Variants in MTMR7 observed in about 807,000 individuals in gnomAD.
MTMR7 encodes phosphatidylinositol-3-phosphate phosphatase MTMR7.
Under a neutral mutation model 81.2 loss-of-function variants are expected in MTMR7, and 76 were observed. The ratio of observed to expected loss-of-function variants is 0.94; its 90% CI spans 0.78 to 1.13. The LOEUF (loss-of-function observed/expected upper bound fraction) is 1.13, where lower values mean the gene tolerates loss of function less well. MTMR7 is among the 50% of genes most tolerant of loss of function. The probability of loss-of-function intolerance (pLI) is 0.00; values close to 1 mark genes in which losing one functional copy is unlikely to be tolerated. For missense variants in MTMR7, 1,044 were observed against 820.0 expected (o/e 1.27, Z -3.34); for synonymous variants, 372 against 289.8 (o/e 1.28, Z -2.88).
rs942529588 is a variant in MTMR7, at chr8:17,324,111, A to G, written c.865+7039T>C. 2.6e-5 allele frequency among the ~76,000 whole-genome samples: 4 copies of G among 152,198 alleles called. No homozygotes were observed. In the East Asian group the frequency reaches 5.8e-4, roughly 22 times the overall value. ...TGTGACTTACCCAGGGAAGGCCCTC[A>G]GTGACATCACTAATAAACAAGCAAG... On this transcript the variant is annotated intron_variant, in intron 7 of 13. Transcript: ENST00000180173.
intron 3 of MTMR7, among the ~76,000 whole-genome samples, chr8:17,362,203 T>G (rs1820081306): frequency 6.6e-6 from 1 of 152,208 alleles, no homozygotes; most frequent in Non-Finnish European, 1.5e-5. Context: ...ATATCCAAAA[T>G]CATTATCACT....
intron 7 of MTMR7, among the ~76,000 whole-genome samples, chr8:17,324,255 C>G (rs565679119): frequency 6.6e-6 from 1 of 152,352 alleles, no homozygotes; most frequent in Admixed American, 6.5e-5. Context: ...CAGTAACTGT[C>G]TGATGAATAG....
chr8:17,330,011 T>TG (rs771278407), intron 7 of MTMR7, among the ~76,000 whole-genome samples: 4 of 152,184 alleles, frequency 2.6e-5, no homozygotes, highest in Non-Finnish European at 5.9e-5. Context: ...TAGAAAGTAT[T>TG]GGCCTAATCC....
intron 4 of MTMR7, among the ~76,000 whole-genome samples, chr8:17,357,735 G>A (rs796233447): frequency 2.6e-5 from 4 of 152,272 alleles, no homozygotes; most frequent in African/African-American, 9.6e-5. Context: ...ATGCCAAACT[G>A]CAGACATTGA....
chr8:17,331,031 T>A, intron 7 of MTMR7, 119 bp downstream of exon 7: 1 of 1,216,738 alleles, frequency 8.2e-7, no homozygotes, highest in Non-Finnish European at 1.1e-6. Context: ...TGTAACATGA[T>A]ATTCTTCCCA....
At chr8:17,337,906 T>G (rs992602328) in intron 6 of MTMR7, among the ~76,000 whole-genome samples, 2 of 152,116 alleles carry the variant, frequency 1.3e-5, no homozygotes, top group African/African-American at 4.8e-5. Flanking sequence ...AGTTCTCATG[T>G]GGGGCTAGCC....
At chr8:17,361,706 A>G (rs758544363) in intron 3 of MTMR7, among the ~76,000 whole-genome samples, 1 of 152,226 alleles carries the variant, frequency 6.6e-6, no homozygotes, top group East Asian at 1.9e-4. Flanking sequence ...GCCCAGGCCA[A>G]TTGCACATTT....
At chr8:17,303,595 C>G (rs1471718089) in intron 12 of MTMR7, among the ~76,000 whole-genome samples, 3 of 143,130 alleles carry the variant, frequency 2.1e-5, no homozygotes, top group African/African-American at 8.1e-5. Flanking sequence ...TCCCCATTCT[C>G]CCCATACATA....
rs754571872 is a variant in MTMR7 at position 17,300,224 on chromosome 8, T to G, written c.1621A>C (p.Arg541=). The G allele has an allele frequency of 5.0e-6, 8 of 1,595,674 alleles. No individual in the cohort carries two copies. Among genetic ancestry groups the G allele is most frequent in the Middle Eastern group, 3.4e-4 (2 of 5,916 alleles). The part of the protein sequence containing the change: ...LEEELEALEE[R]LEKIQKVQLN... The stretch of plus-strand genomic sequence containing the variant: ...TGGACCTTTTGAATTTTTTCCAGCC[T>G]CTAAGAAAGAAATAACAATTTCAGG... The change falls in exon 14 of 14, where the codon AGG becomes CGG. Residue 541 remains arginine, a splice_region_variant and synonymous_variant. Transcript: ENST00000180173.
intron 1 of MTMR7, among the ~76,000 whole-genome samples, chr8:17,378,815 T>C (rs1368800328): frequency 6.6e-6 from 1 of 152,236 alleles, no homozygotes; most frequent in Non-Finnish European, 1.5e-5. Flanking sequence ...CTTTCTTCTT[T>C]TGTGGTTCAT....
chr8:17,323,329 C>A (rs139297796), intron 7 of MTMR7, among the ~76,000 whole-genome samples: 1 of 152,108 alleles, frequency 6.6e-6, no homozygotes, highest in East Asian at 1.9e-4. Context: ...AAATCTACAT[C>A]CCTTGACTCC....
At chr8:17,307,962 C>T in intron 10 of MTMR7, among the ~76,000 whole-genome samples, 1 of 151,910 alleles carries the variant, frequency 6.6e-6, no homozygotes, top group African/African-American at 2.4e-5. Context: ...GGGTGCAGCA[C>T]ACCAACATGG....
intron 7 of MTMR7, among the ~76,000 whole-genome samples, chr8:17,313,997 G>C (rs1369932653): frequency 6.6e-6 from 1 of 152,210 alleles, no homozygotes; most frequent in African/African-American, 2.4e-5. Context: ...CATCAGGGTA[G>C]AGGCTTTCCC....
chr8:17,301,551 T>C (rs550996660), intron 13 of MTMR7: 1 of 152,350 alleles, frequency 6.6e-6, no homozygotes, highest in Non-Finnish European at 1.5e-5. Flanking sequence ...ATTTTGACTT[T>C]GTAATAAGGA....
chr8:17,297,531 G>A lies in MTMR7; in HGVS notation c.*2331C>T, dbSNP rs1246122283. ...CTATAAAAAGCTCAGTTACTGATTT[G>A]CTGGGTCATGGTCAAAATTCTTACC... On this transcript the variant is annotated 3_prime_UTR_variant, in exon 14 of 14. Transcript: ENST00000180173. 6.7e-6 allele frequency: 1 copy of A among 148,250 alleles called. No individual in the cohort carries two copies. The highest frequency in any genetic ancestry group is 1.5e-5 in the Non-Finnish European group (1 of 67,478). 9.2% of individuals were successfully genotyped at this position (148,250 alleles called of 1,614,324 possible).
Position 17,368,894 on chromosome 8 carries a change from C to A in MTMR7, c.310+2143G>T, listed in dbSNP as rs191521818. Among the ~76,000 whole-genome samples, 36 of 152,286 alleles carry A rather than the reference C, an allele frequency of 2.4e-4. No individual in the cohort carries two copies. The East Asian group carries it at 3.7e-3, about 16-fold the overall frequency. On this transcript the variant is annotated intron_variant, in intron 3 of 13. Coordinates refer to ENST00000180173, the MANE Select transcript of MTMR7 (RefSeq NM_004686.5). ...GTCAGATCTCTGTCTACATCTAATA[C>A]CTAACTCCCTTCATCTTTTAAGGAA... is the stretch of plus-strand genomic sequence containing the variant.
chr8:17,345,375 G>T (rs896915571), intron 5 of MTMR7, among the ~76,000 whole-genome samples: 4 of 152,162 alleles, frequency 2.6e-5, no homozygotes, highest in Non-Finnish European at 4.4e-5. Context: ...TCCTCCTGTG[G>T]GAACCAAGGG....
At chr8:17,346,626 C>T (rs1005795120) in intron 5 of MTMR7, among the ~76,000 whole-genome samples, 1 of 151,758 alleles carries the variant, frequency 6.6e-6, no homozygotes, top group Non-Finnish European at 1.5e-5. Flanking sequence ...CTCACATTGA[C>T]AAAAAGTAAA....
chr8:17,400,211 T>C (rs1002810), intron 1 of MTMR7, among the ~76,000 whole-genome samples: 108,011 of 152,112 alleles, frequency 0.71, 38,851 homozygotes, highest in East Asian at 0.99. Flanking sequence ...AAAAGAAAAT[T>C]CTGAAATAAC....
Sources: gnomAD v4.1 joint callset for allele counts (sites outside exome capture counted in the v4.1 genomes callset) on GRCh38, gnomAD v4.1.1 for gene constraint, MANE v1.5 for transcripts, NCBI Gene and HGNC (gene_info 2026-07-23, HGNC 2026-07-21) for gene names.